The following ARHGAP24 variants were observed in gnomAD, a reference collection of about 807,000 sequenced individuals.
ARHGAP24 encodes the protein rho GTPase-activating protein 24.
Under a neutral mutation model 76.4 loss-of-function variants are expected in ARHGAP24, and 50 were observed. The ratio of observed to expected loss-of-function variants is 0.65; its 90% CI spans 0.52 to 0.83. The LOEUF is 0.83. ARHGAP24 is among the 40% of genes least tolerant of loss of function. The pLI is 0.00. For missense variants in ARHGAP24, 930 were observed against 914.2 expected (o/e 1.02, Z -0.22); for synonymous variants, 345 against 323.3 (o/e 1.07, Z -0.72).
At chr4:85,739,401 A>G (rs1315872205) in intron 3 of ARHGAP24, among the ~76,000 whole-genome samples, 3 of 152,094 alleles carry the variant, frequency 2.0e-5, no homozygotes, top group African/African-American at 7.2e-5. Flanking sequence ...TCTGCTTCCA[A>G]AATATATCTC....
At chr4:85,601,480 T>C (rs1720026260) in intron 2 of ARHGAP24, among the ~76,000 whole-genome samples, 1 of 152,202 alleles carries the variant, frequency 6.6e-6, no homozygotes. Flanking sequence ...AATTATTTGC[T>C]ATTGGTGTGT....
chr4:85,956,400 T>A (rs1413877562), intron 5 of ARHGAP24, among the ~76,000 whole-genome samples: 1 of 152,206 alleles, frequency 6.6e-6, no homozygotes, highest in Admixed American at 6.5e-5. Context: ...ATTCACATAC[T>A]ACCCTTGTTA....
chr4:85,898,094 G>A (rs568955629), intron 3 of ARHGAP24, among the ~76,000 whole-genome samples: 172 of 149,216 alleles, frequency 1.2e-3, no homozygotes, highest in Non-Finnish European at 1.9e-3. Context: ...TTTTTGTGGG[G>A]AGGGGAGACT....
At chr4:85,533,258 G>A (rs889712517) in intron 1 of ARHGAP24, among the ~76,000 whole-genome samples, 1 of 152,032 alleles carries the variant, frequency 6.6e-6, no homozygotes, top group African/African-American at 2.4e-5. Flanking sequence ...TTGAAGGAGG[G>A]GACAGTTTAT....
intron 2 of ARHGAP24, among the ~76,000 whole-genome samples, chr4:85,697,135 C>T (rs961722070): frequency 6.6e-6 from 1 of 152,172 alleles, no homozygotes; most frequent in Non-Finnish European, 1.5e-5. Flanking sequence ...CATTAGTCAA[C>T]TGGCATGCAT....
intron 1 of ARHGAP24, among the ~76,000 whole-genome samples, chr4:85,500,898 G>A (rs537385922): frequency 1.3e-5 from 2 of 149,202 alleles, no homozygotes; most frequent in South Asian, 4.3e-4. Flanking sequence ...AGGCCCTGGT[G>A]TGTGATGTTC....
intron 3 of ARHGAP24, among the ~76,000 whole-genome samples, chr4:85,786,118 T>C (rs946464572): frequency 2.0e-5 from 3 of 152,194 alleles, no homozygotes. Flanking sequence ...GATGGGATCT[T>C]AATGATCTCG....
At chr4:85,917,910 G>C (rs923549391) in intron 3 of ARHGAP24, among the ~76,000 whole-genome samples, 12 of 152,088 alleles carry the variant, frequency 7.9e-5, no homozygotes, top group Admixed American at 4.6e-4. Context: ...ATGCACATAG[G>C]AACAACCTTT....
intron 1 of ARHGAP24, among the ~76,000 whole-genome samples, chr4:85,512,100 T>C (rs553398179): frequency 6.6e-6 from 1 of 152,166 alleles, no homozygotes; most frequent in Admixed American, 6.5e-5. Flanking sequence ...TCTGAGGTAG[T>C]GGGGGTCAGG....
intron 1 of ARHGAP24, among the ~76,000 whole-genome samples, chr4:85,565,900 AT>A (rs975494207): frequency 6.6e-6 from 1 of 152,288 alleles, no homozygotes; most frequent in African/African-American, 2.4e-5. Flanking sequence ...AGGAGCATGA[AT>A]TTCGTCTCTG....
chr4:85,757,228 T>TTA (rs1726540567), intron 3 of ARHGAP24, among the ~76,000 whole-genome samples: 1 of 151,302 alleles, frequency 6.6e-6, no homozygotes, highest in South Asian at 2.1e-4. Flanking sequence ...TTTTTTTTTT[T>TTA]TTAATTAAAC....
At chr4:85,567,427 G>A (rs1726893531) in intron 1 of ARHGAP24, among the ~76,000 whole-genome samples, 1 of 152,134 alleles carries the variant, frequency 6.6e-6, no homozygotes, top group South Asian at 2.1e-4. Context: ...TTGATATCCG[G>A]GGTGAGGAAG....
intron 3 of ARHGAP24, among the ~76,000 whole-genome samples, chr4:85,832,166 C>T (rs546660781): frequency 9.4e-4 from 143 of 152,100 alleles, no homozygotes; most frequent in African/African-American, 3.3e-3. Context: ...TTGTGTTTTC[C>T]GTGGGCGGGA....
At chr4:85,775,928 A>G (rs1196169020) in intron 3 of ARHGAP24, among the ~76,000 whole-genome samples, 11 of 152,130 alleles carry the variant, frequency 7.2e-5, no homozygotes, top group Admixed American at 7.2e-4. Context: ...AATCATGGGT[A>G]TAAGGAGGGG....
intron 1 of ARHGAP24, among the ~76,000 whole-genome samples, chr4:85,487,670 A>G (rs1393776129): frequency 9.7e-6 from 1 of 102,692 alleles, no homozygotes; most frequent in Non-Finnish European, 1.8e-5. Context: ...TTATATAAAC[A>G]TATATTTATT....
chr4:85,987,875 T>C (rs1740096599), intron 8 of ARHGAP24, among the ~76,000 whole-genome samples: 1 of 151,638 alleles, frequency 6.6e-6, no homozygotes, highest in Non-Finnish European at 1.5e-5. Flanking sequence ...CAAAAGCACA[T>C]CATAAAATGC....
At chr4:85,478,664 C>T (rs1722695822) in intron 1 of ARHGAP24, among the ~76,000 whole-genome samples, 2 of 152,134 alleles carry the variant, frequency 1.3e-5, no homozygotes, top group Admixed American at 6.6e-5. Flanking sequence ...CTCTTCCAAG[C>T]CCTTTCTTTT....
At chr4:85,541,295 A>G (rs1231978469) in intron 1 of ARHGAP24, among the ~76,000 whole-genome samples, 2 of 136,206 alleles carry the variant, frequency 1.5e-5, no homozygotes, top group Non-Finnish European at 3.0e-5. Flanking sequence ...CTGGGACTAC[A>G]GGCGCCCGCC....
In ARHGAP24 at chr4:85,942,249, G is replaced by C. The variant is rs1309209424; in HGVS notation, c.575G>C (p.Cys192Ser). The C allele has an allele frequency of 6.2e-7, 1 of 1,614,074 alleles. No individual in the cohort carries two copies. The change falls in exon 5 of 10, where the codon TGT becomes TCT. Residue 192 changes from cysteine (C) to serine (S), a missense_variant. Physicochemically the swap from Cys to Ser is moderately radical, Grantham distance 112. Transcript: ENST00000395184. Reference sequence around the variant, plus strand: ...AAGGAGCTCCAAGATGCCTTTGACTGTGGGGAGAAGCCATCATTTGACAGG... The same window carrying C: ...AAGGAGCTCCAAGATGCCTTTGACTCTGGGGAGAAGCCATCATTTGACAGG... ...LVKELQDAFD[C>S]GEKPSFDSNT... is the part of the protein sequence containing the mutation.
Sources: gnomAD v4.1 joint callset for allele counts (sites outside exome capture counted in the v4.1 genomes callset) on GRCh38, gnomAD v4.1.1 for gene constraint, MANE v1.5 for transcripts, NCBI Gene and HGNC (gene_info 2026-07-23, HGNC 2026-07-21) for gene names.